Variants in BCAS4 observed in about 807,000 individuals in gnomAD.
The protein encoded by BCAS4 is breast carcinoma-amplified sequence 4.
In BCAS4, 9 loss-of-function variants were observed where a neutral mutation model predicts 15.7. That is an observed-to-expected ratio of 0.57 (90% CI 0.34 to 1.00). The LOEUF (loss-of-function observed/expected upper bound fraction) is 1.00. BCAS4 is among the 50% of genes least tolerant of loss of function. BCAS4 has a pLI of 0.02. For synonymous variants in BCAS4, 101 were observed against 99.5 expected, an observed-to-expected ratio of 1.02 and a Z score of -0.09; for missense variants, 225 against 239.1, an observed-to-expected ratio of 0.94 and a Z score of 0.39.
chr20:50,865,242 G>A (rs917491518), intron 4 of BCAS4, among the ~76,000 whole-genome samples: 1 of 152,190 alleles, frequency 6.6e-6, no homozygotes, highest in African/African-American at 2.4e-5. Context: ...TTGAAGGAGG[G>A]AGTCAGGACT....
At chr20:50,861,300 G>T (rs1256799540) in intron 4 of BCAS4, among the ~76,000 whole-genome samples, 2 of 152,204 alleles carry the variant, frequency 1.3e-5, no homozygotes, top group Non-Finnish European at 2.9e-5. Context: ...ATCGGTGTGG[G>T]CATGGACTAG....
chr20:50,879,051 G>A (rs766472662), downstream of BCAS4: 1 of 152,080 alleles, frequency 6.6e-6, no homozygotes, highest in Non-Finnish European at 1.5e-5. Context: ...TACCTACGGT[G>A]TGTCATCTCT....
At chr20:50,843,173 T>C (rs1343988862) in intron 4 of BCAS4, among the ~76,000 whole-genome samples, 1 of 152,086 alleles carries the variant, frequency 6.6e-6, no homozygotes, top group Non-Finnish European at 1.5e-5. Context: ...CCCAGGCTGG[T>C]CTCCATCTCT....
chr20:50,821,778 A>G (rs1404428940), intron 2 of BCAS4, among the ~76,000 whole-genome samples: 1 of 152,184 alleles, frequency 6.6e-6, no homozygotes, highest in African/African-American at 2.4e-5. Context: ...CGTCTGCTCT[A>G]TTAGTTCTTC....
chr20:50,874,765 C>T (rs374164768), intron 4 of BCAS4, among the ~76,000 whole-genome samples: 15 of 152,240 alleles, frequency 9.9e-5, no homozygotes, highest in African/African-American at 3.6e-4. Flanking sequence ...GAGCAGGCAG[C>T]ATGGGGAGGG....
chr20:50,801,551 G>A (rs1226438373), intron 1 of BCAS4, among the ~76,000 whole-genome samples: 1 of 152,130 alleles, frequency 6.6e-6, no homozygotes, highest in East Asian at 1.9e-4. Flanking sequence ...ATGTTGCCCA[G>A]GCTGGTCTCG....
chr20:50,806,350 G>A lies in BCAS4; in HGVS notation c.90+11177G>A, dbSNP rs535795754. Among the ~76,000 whole-genome samples the A allele has an allele frequency of 5.3e-5, 8 of 152,284 alleles. No homozygotes were observed. In the South Asian group the frequency reaches 1.2e-3, roughly 24 times the overall value. On this transcript the variant is annotated intron_variant, in intron 1 of 4. Transcript: ENST00000371608. ...GCCACAGCTCTTCCAGGCAGTACACGTCCTCCCCTTCCCTTCTCTCTCTTT... is the reference window on the plus strand; with the variant it reads ...GCCACAGCTCTTCCAGGCAGTACACATCCTCCCCTTCCCTTCTCTCTCTTT...
At chr20:50,821,501 T>C (rs2088216455) in intron 2 of BCAS4, among the ~76,000 whole-genome samples, 1 of 152,142 alleles carries the variant, frequency 6.6e-6, no homozygotes, top group South Asian at 2.1e-4. Context: ...CAGAGAGAGG[T>C]GTCCGGTGAT....
At chr20:50,862,984 C>T (rs1013004582) in intron 4 of BCAS4, among the ~76,000 whole-genome samples, 1 of 152,148 alleles carries the variant, frequency 6.6e-6, no homozygotes, top group Non-Finnish European at 1.5e-5. Flanking sequence ...GCGCATGCCA[C>T]CATTCCAGGC....
intron 4 of BCAS4, 68 bp from the exon 5 acceptor site, chr20:50,876,418 G>T (rs760242092): frequency 2.6e-5 from 41 of 1,580,056 alleles, no homozygotes; most frequent in Middle Eastern, 1.7e-4. Flanking sequence ...CTTGTAGACC[G>T]GGAATTCCTG....
At position 50,859,965 on chromosome 20, in the gene BCAS4, C is replaced by A. The variant is rs921490220; in HGVS notation, c.400-16521C>A. ...GACCAGCCTGGGCAACATAGGGAGACCCCCATCTCAAAAGAAAAGAATTAG... is the reference window on the plus strand; with the variant it reads ...GACCAGCCTGGGCAACATAGGGAGAACCCCATCTCAAAAGAAAAGAATTAG... On this transcript the variant is annotated intron_variant, in intron 4 of 4. Transcript: ENST00000371608. 6.1e-4 allele frequency among the ~76,000 whole-genome samples: 92 copies of A among 152,054 alleles called. 1 individual carries two copies. The highest frequency in any genetic ancestry group is 2.2e-3 in the African/African-American group (90 of 41,388).
chr20:50,827,712 A>T (rs543526783), intron 2 of BCAS4, among the ~76,000 whole-genome samples: 3 of 152,176 alleles, frequency 2.0e-5, no homozygotes, highest in African/African-American at 7.2e-5. Flanking sequence ...GCCATTTCTC[A>T]TGGGAGCCCC....
chr20:50,833,356 G>A (rs933656284), intron 3 of BCAS4, among the ~76,000 whole-genome samples: 19 of 152,202 alleles, frequency 1.2e-4, no homozygotes, highest in African/African-American at 4.6e-4. Context: ...GAAGAGTCAG[G>A]ACAGCCTAGT....
intron 3 of BCAS4, chr20:50,840,684 C>G: frequency 6.2e-7 from 1 of 1,613,210 alleles, no homozygotes; most frequent in Non-Finnish European, 8.5e-7. Context: ...TCTCTTGCGT[C>G]TCTGTCTTCT....
chr20:50,872,912 T>G (rs532736570), intron 4 of BCAS4, among the ~76,000 whole-genome samples: 7 of 152,218 alleles, frequency 4.6e-5, no homozygotes, highest in African/African-American at 1.4e-4. Context: ...AAGGAAAGCA[T>G]GCTTGTTCTC....
At chr20:50,824,785 G>C (rs1242830709) in intron 2 of BCAS4, among the ~76,000 whole-genome samples, 2 of 152,178 alleles carry the variant, frequency 1.3e-5, no homozygotes, top group Non-Finnish European at 2.9e-5. Context: ...TGGAACATGG[G>C]CTCAGTGTGG....
At chr20:50,812,622 T>A (rs762938809) in intron 1 of BCAS4, among the ~76,000 whole-genome samples, 1 of 151,680 alleles carries the variant, frequency 6.6e-6, no homozygotes, top group Non-Finnish European at 1.5e-5. Context: ...GTAGTTTTAG[T>A]AGAGAGGGGG....
chr20:50,796,759 G>C (rs6067553), intron 1 of BCAS4, among the ~76,000 whole-genome samples: 28,163 of 150,932 alleles, frequency 0.19, 3,318 homozygotes, highest in African/African-American at 0.34. Flanking sequence ...CTCCCAAAGT[G>C]TTGGGATTAC....
intron 4 of BCAS4, among the ~76,000 whole-genome samples, chr20:50,855,653 G>C (rs373734657): frequency 2.0e-5 from 3 of 152,026 alleles, no homozygotes; most frequent in African/African-American, 7.2e-5. Flanking sequence ...CAGCCTGGCC[G>C]GCCCAGGCTG....
Sources: allele counts gnomAD v4.1 joint callset (sites outside exome capture counted in the v4.1 genomes callset), GRCh38; gene constraint gnomAD v4.1.1; transcripts MANE v1.5; gene names NCBI Gene and HGNC (gene_info 2026-07-23, HGNC 2026-07-21).